The following P2RX6 variants were observed in gnomAD, a reference collection of about 807,000 sequenced individuals.
P2RX6 encodes the protein P2X purinoceptor 6.
A neutral mutation model predicts 54.2 loss-of-function variants in P2RX6; 62 were observed. The ratio of observed to expected loss-of-function variants is 1.14; its 90% CI spans 0.93 to 1.41. P2RX6 has a LOEUF of 1.41. Ranked by LOEUF, P2RX6 falls within the 40% of genes most tolerant of loss-of-function variation. The probability of loss-of-function intolerance (pLI) is 0.00; values close to 1 mark genes in which losing one functional copy is unlikely to be tolerated. For synonymous variants in P2RX6, 211 were observed against 231.9 expected (o/e 0.91, Z 0.82); for missense variants, 541 against 566.3 (o/e 0.96, Z 0.45).
rs145119516 is a variant in P2RX6, at chr22:21,026,611, C to T, written c.1320C>T (p.Ser440=). 6,623 of 1,581,530 alleles carry T rather than the reference C, an allele frequency of 4.2e-3. 22 individuals carry two copies. The highest frequency in any genetic ancestry group is 4.9e-3 in the Non-Finnish European group (5,718 of 1,164,790). ...CCCACTTGCCAACCCATTCCGGGAGCCTGTAGCCGTTCCCTGCTGGTTGAG... is the reference window on the plus strand; with the variant it reads ...CCCACTTGCCAACCCATTCCGGGAGTCTGTAGCCGTTCCCTGCTGGTTGAG... ...SDTHLPTHSG[S]L The change falls in exon 12 of 12, where the codon AGC becomes AGT. Residue 440 remains serine (S), a synonymous_variant. Coordinates refer to ENST00000413302, the MANE Select transcript of P2RX6 (RefSeq NM_005446.5). The surrounding 1 kb of genome is among the most constrained non-coding windows in gnomAD (Gnocchi z 4.0).
chr22:21,024,864 C>A (rs996825253), intron 8 of P2RX6, among the ~76,000 whole-genome samples: 3 of 140,420 alleles, frequency 2.1e-5, no homozygotes, highest in African/African-American at 8.1e-5. Flanking sequence ...AGCCACCAAG[C>A]CTGTTTTTTT....
Position 21,026,257 on chromosome 22 carries a change from C to G in P2RX6, c.1056C>G (p.Thr352=). 6.3e-7 allele frequency: 1 copy of G among 1,596,894 alleles called. No homozygotes were observed. The highest frequency in any genetic ancestry group is 8.5e-7 in the Non-Finnish European group (1 of 1,172,220). ...GTTGGCCCTGCCTCTCCCAGGTCAC[C>G]TTTTTCTGTGACCTGCTACTGCTGT... is the stretch of plus-strand genomic sequence containing the variant. ...GTGAAWLGVV[T]FFCDLLLLYV... The change falls in exon 11 of 12, where the codon ACC becomes ACG. Residue 352 remains threonine (T), a synonymous_variant. Coordinates refer to ENST00000413302, the MANE Select transcript of P2RX6 (RefSeq NM_005446.5). This position sits in a 1 kb window ranked among gnomAD's most constrained non-coding sequence, Gnocchi z 4.0.
intron 2 of P2RX6, among the ~76,000 whole-genome samples, chr22:21,017,148 G>T (rs1601750034): frequency 6.6e-6 from 1 of 151,908 alleles, no homozygotes; most frequent in South Asian, 2.1e-4. Context: ...TGCACACCAC[G>T]CAGCAGCCAA....
chr22:21,011,098 G>C (rs62240968), upstream of P2RX6, among the ~76,000 whole-genome samples: 1 of 151,538 alleles, frequency 6.6e-6, no homozygotes, highest in African/African-American at 2.4e-5. Flanking sequence ...GAATGATATT[G>C]TTAACATTGT....
intron 2 of P2RX6, among the ~76,000 whole-genome samples, chr22:21,017,719 TACAC>T (rs555787313): frequency 3.3e-5 from 5 of 152,122 alleles, no homozygotes; most frequent in Non-Finnish European, 7.4e-5. Context: ...TGTCTCTAAA[TACAC>T]ACATACACAT....
At chr22:21,024,880 T>TGTG (rs1569179962) in intron 8 of P2RX6, among the ~76,000 whole-genome samples, 2,178 of 73,632 alleles carry the variant, frequency 0.03, 51 homozygotes, top group African/African-American at 0.1. Context: ...TTTTTTGTGT[T>TGTG]TTTTTTTTTT....
Position 21,026,889 on chromosome 22 carries a change from G to A in P2RX6, c.*272G>A. On this transcript the variant is annotated 3_prime_UTR_variant, in exon 12 of 12. Transcript: ENST00000413302. This position sits in a 1 kb window ranked among gnomAD's most constrained non-coding sequence, Gnocchi z 4.0. ...TGCAGGGCTCCGACTGCATGTGGCA[G>A]GGGCTCCTGCTGCGTCTGGGCCTGG... The A allele has an allele frequency of 1.7e-6, 1 of 573,316 alleles. No homozygotes were observed. Among genetic ancestry groups the A allele is most frequent in the South Asian group, 2.4e-5 (1 of 42,160 alleles). The allele number at this position is 573,316 out of a possible 1,614,324, so 35.5% of individuals were successfully genotyped here. A position where few individuals can be genotyped will look rare whatever the true frequency, so the allele number is the denominator to read the frequency against.
Position 21,025,834 on chromosome 22 carries a change from G to A in P2RX6, c.920G>A (p.Gly307Asp). The change falls in exon 9 of 12, where the codon GGT (glycine) becomes GAT (aspartate). Residue 307 changes from glycine (G) to aspartate (D), a missense_variant. Physicochemically the swap from Gly to Asp is moderately conservative, Grantham distance 94. Coordinates refer to ENST00000413302, the MANE Select transcript of P2RX6 (RefSeq NM_005446.5). ...RTATHWWEQP[G>D]VEARTLLKLY... ...GCCACTCACTGGTGGGAGCAACCGGGTGTGGAGGCCCGCACCCTGCTCAAG... is the reference window on the plus strand; with the variant it reads ...GCCACTCACTGGTGGGAGCAACCGGATGTGGAGGCCCGCACCCTGCTCAAG... The A allele has an allele frequency of 6.4e-7, 1 of 1,565,420 alleles. No homozygotes were observed. Among genetic ancestry groups the A allele is most frequent in the Non-Finnish European group, 8.7e-7 (1 of 1,155,348 alleles).
In P2RX6 at chr22:21,018,065, G is replaced by A; in HGVS notation, c.387+5G>A. 6.2e-7 allele frequency: 1 copy of A among 1,605,350 alleles called. No individual in the cohort carries two copies. The highest frequency in any genetic ancestry group is 1.1e-5 in the South Asian group (1 of 90,480). On this transcript the variant is annotated splice_donor_5th_base_variant and intron_variant, in intron 3 of 11. Coordinates refer to ENST00000413302, the MANE Select transcript of P2RX6 (RefSeq NM_005446.5). The stretch of plus-strand genomic sequence containing the variant: ...GTTCAGGGCAGATGCCCAGAGGTGA[G>A]TTTACCCAGGATCCTCCCAGCGGGT...
intron 2 of P2RX6, among the ~76,000 whole-genome samples, chr22:21,017,520 T>C (rs1280257603): frequency 6.6e-6 from 1 of 152,154 alleles, no homozygotes; most frequent in East Asian, 1.9e-4. Flanking sequence ...AGCTCTCCCT[T>C]GGATCTTCAG....
In P2RX6 at chr22:21,015,965, G is replaced by T. The variant is rs1926301595; in HGVS notation, c.188G>T (p.Gly63Val). 1.9e-6 allele frequency: 3 copies of T among 1,549,806 alleles called. No homozygotes were observed. Among genetic ancestry groups the T allele is most frequent in the East Asian group, 4.9e-5 (2 of 40,916 alleles). The change falls in exon 2 of 12, where the codon GGC becomes GTC. Residue 63 changes from glycine to valine, a missense_variant. Around this residue, in one of 2 missense-constraint regions of P2RX6, gnomAD observed 526 missense variants for 531.5 expected, o/e 0.99. Coordinates refer to ENST00000413302, the MANE Select transcript of P2RX6 (RefSeq NM_005446.5). ...AGGTGGGCTCTCCTCGCCAAAAAAG[G>T]CTACCAGGAGCGGGACCTGGAACCC... The part of the protein sequence containing the change: ...VVGWALLAKK[G>V]YQERDLEPQF...
chr22:21,025,700 G>C, intron 8 of P2RX6, 105 bp from the exon 9 acceptor site: 2 of 780,018 alleles, frequency 2.6e-6, no homozygotes. Context: ...GGCTTGGGCT[G>C]GGGGTTTATA....
upstream of P2RX6, among the ~76,000 whole-genome samples, chr22:21,010,657 G>A (rs962069856): frequency 2.6e-5 from 4 of 152,122 alleles, no homozygotes; most frequent in Non-Finnish European, 5.9e-5. Context: ...TGGACCATTT[G>A]AGGAGAGGCA....
upstream of P2RX6, chr22:21,010,298 CCTTTTA>C (rs1383995854): frequency 6.6e-6 from 1 of 152,308 alleles, no homozygotes; most frequent in African/African-American, 2.4e-5. Context: ...TGGCACTTGC[CCTTTTA>C]CTGTGCGGGT....
chr22:21,017,798 A>G, intron 2 of P2RX6, 191 bp from the exon 3 acceptor site: 2 of 672,728 alleles, frequency 3.0e-6, no homozygotes, highest in Non-Finnish European at 5.5e-6. Flanking sequence ...CATGGGCACA[A>G]GGCTTCCTGG....
At chr22:21,015,142 G>T, upstream of P2RX6, 2 of 1,385,686 alleles carry the variant, frequency 1.4e-6, no homozygotes, top group Non-Finnish European at 1.9e-6. Flanking sequence ...TTTGCCTCCT[G>T]TTCAGCTGCG....
upstream of P2RX6, chr22:21,010,473 C>A (rs1427840805): frequency 6.6e-6 from 1 of 152,164 alleles, no homozygotes; most frequent in African/African-American, 2.4e-5. Flanking sequence ...CCACCCCACT[C>A]CCTCTAAGCT....
chr22:21,011,638 C>T (rs1204568080), upstream of P2RX6: 2 of 704,606 alleles, frequency 2.8e-6, no homozygotes, highest in Admixed American at 2.0e-5. Context: ...AAGCCAGGTA[C>T]CACCCCCCTC....
intron 8 of P2RX6, among the ~76,000 whole-genome samples, chr22:21,025,100 C>G (rs1046580628): frequency 6.6e-6 from 1 of 151,736 alleles, no homozygotes; most frequent in African/African-American, 2.4e-5. Context: ...AGGCTGGTCT[C>G]GAACTCCTGA....
Sources: gnomAD v4.1 joint callset for allele counts (sites outside exome capture counted in the v4.1 genomes callset) on GRCh38, gnomAD v4.1.1 for gene constraint, gnomAD v4.1.1 regional missense constraint, Gnocchi (gnomAD v3.1) non-coding constraint, MANE v1.5 for transcripts, NCBI Gene and HGNC (gene_info 2026-07-23, HGNC 2026-07-21) for gene names.